The following DPF1 variants were observed in gnomAD, a reference collection of about 807,000 sequenced individuals.
DPF1 encodes the protein zinc finger protein neuro-d4.
In DPF1, 14 loss-of-function variants were observed where a neutral mutation model predicts 58.7. The ratio of observed to expected loss-of-function variants is 0.24; its 90% CI spans 0.16 to 0.37. The LOEUF (loss-of-function observed/expected upper bound fraction) is 0.37, where lower values mean the gene tolerates loss of function less well. Among genes scored for constraint, DPF1 ranks in the 10% least tolerant of loss-of-function variants. DPF1 has a pLI of 1.00. For missense variants in DPF1, 345 were observed against 529.9 expected, an observed-to-expected ratio of 0.65 and a Z score of 3.43; for synonymous variants, 216 against 216.0, an observed-to-expected ratio of 1.00 and a Z score of 0.00.
upstream of DPF1, among the ~76,000 whole-genome samples, chr19:38,227,007 TTC>T (rs556979655): frequency 0.53 from 70,712 of 133,000 alleles, 19,344 homozygotes; most frequent in African/African-American, 0.64. Context: ...CCTTCCTTCC[TTC>T]CTTCCTTCCT....
At chr19:38,225,559 ACT>A (rs1967780938), upstream of DPF1, among the ~76,000 whole-genome samples, 1 of 150,322 alleles carries the variant, frequency 6.7e-6, no homozygotes. Flanking sequence ...GCAGAGCGAG[ACT>A]CTGTCTCTAA....
intron 11 of DPF1, 42 bp downstream of exon 11, chr19:38,212,238 T>TGGGGGGGGGGCC: frequency 6.8e-6 from 4 of 585,172 alleles, no homozygotes; most frequent in Non-Finnish European, 1.2e-5. Flanking sequence ...GAGATGGCGT[T>TGGGGGGGGGGCC]CCCACCCACC....
chr19:38,211,988 G>A lies in DPF1; in HGVS notation c.*75C>T, dbSNP rs779183488. 1.1e-4 allele frequency: 166 copies of A among 1,524,620 alleles called. No homozygotes were observed. The highest frequency in any genetic ancestry group is 1.4e-4 in the Non-Finnish European group (152 of 1,116,558). 94.4% of individuals were successfully genotyped at this position (1,524,620 alleles called of 1,614,324 possible). On this transcript the variant is annotated 3_prime_UTR_variant, in exon 12 of 12. Transcript: ENST00000355526. The surrounding 1 kb of genome is among the most constrained non-coding windows in gnomAD (Gnocchi z 4.0). ...CCCCCTCCCCCTGCGGGATGTTCAG[G>A]GTGGGGGAGAATTGAGGAGCTCGGA...
Position 38,215,207 on chromosome 19 carries a change from G to A in DPF1, c.898+933C>T, listed in dbSNP as rs181479001. 4.6e-3 allele frequency among the ~76,000 whole-genome samples: 698 copies of A among 151,588 alleles called. 2 individuals carry two copies. Among genetic ancestry groups the A allele is most frequent in the Non-Finnish European group, 8.4e-3 (573 of 67,904 alleles). On this transcript the variant is annotated intron_variant, in intron 9 of 11. Coordinates refer to ENST00000355526, the MANE Select transcript of DPF1 (RefSeq NM_001135155.3). Reference sequence around the variant, plus strand: ...AGTCAAAAACTCCCAGATTCAAGGGGCTGGGTGCTGCGGTGGCTCACGCCT... The same window carrying A: ...AGTCAAAAACTCCCAGATTCAAGGGACTGGGTGCTGCGGTGGCTCACGCCT...
chr19:38,223,037 CAAAG>C (rs1967624172), intron 1 of DPF1: 2 of 334,158 alleles, frequency 6.0e-6, no homozygotes, highest in Non-Finnish European at 1.1e-5. Flanking sequence ...GATTCACACA[CAAAG>C]AGAGACAAAT....
At chr19:38,223,901 G>GC (rs1364315973) in intron 1 of DPF1, 16 of 497,278 alleles carry the variant, frequency 3.2e-5, no homozygotes, top group Non-Finnish European at 4.4e-5. Flanking sequence ...GAATCTGGAG[G>GC]CCCCCCACGC....
chr19:38,229,116 G>A (rs1163088777), upstream of DPF1, among the ~76,000 whole-genome samples: 1 of 152,026 alleles, frequency 6.6e-6, no homozygotes, highest in African/African-American at 2.4e-5. The surrounding 1 kb of genome is among the most constrained non-coding windows in gnomAD (Gnocchi z 5.3). Context: ...GAGAAAGAAG[G>A]GGAAAGAGAG....
Position 38,222,908 on chromosome 19 carries a change from C to G in DPF1, c.30-200G>C. 3 of 621,694 alleles carry G rather than the reference C, an allele frequency of 4.8e-6. No homozygotes were observed. In the South Asian group the frequency reaches 7.1e-5, roughly 15 times the overall value. 38.5% of individuals were successfully genotyped at this position (621,694 alleles called of 1,614,324 possible). A position where few individuals can be genotyped will look rare whatever the true frequency, so the allele number is the denominator to read the frequency against. ...GCCCAGGGGCCCCCAAACTGGGACT[C>G]AAACAGGCCCCCAGCTCATGAGTAG... On this transcript the variant is annotated intron_variant, in intron 1 of 11. Transcript: ENST00000355526. This position sits in a 1 kb window ranked among gnomAD's most constrained non-coding sequence, Gnocchi z 4.9.
chr19:38,217,397 A>ACG, intron 7 of DPF1, 63 bp downstream of exon 7: 1 of 319,664 alleles, frequency 3.1e-6, no homozygotes, highest in Non-Finnish European at 4.1e-6. Context: ...CCCCACCCCC[A>ACG]GCTGGGCTCC....
intron 9 of DPF1, 103 bp downstream of exon 9, chr19:38,216,037 C>A (rs2278430): frequency 6.7e-7 from 1 of 1,492,566 alleles, no homozygotes; most frequent in Non-Finnish European, 8.9e-7. Flanking sequence ...CTACATGCTC[C>A]GGGTCCCCTC....
At chr19:38,224,367 G>T (rs1462086091), upstream of DPF1, 1 of 1,111,334 alleles carries the variant, frequency 9.0e-7, no homozygotes, top group Non-Finnish European at 1.1e-6. This position sits in a 1 kb window ranked among gnomAD's most constrained non-coding sequence, Gnocchi z 4.5. Context: ...CGGAGGAGGG[G>T]CCCGGGGCAC....
intron 1 of DPF1, chr19:38,223,058 A>G (rs1967627127): frequency 3.5e-6 from 1 of 285,944 alleles, no homozygotes; most frequent in Middle Eastern, 9.8e-4. Flanking sequence ...AAATCCCAAT[A>G]CTCACAAAGG....
Position 38,222,943 on chromosome 19 carries a change from A to G in DPF1, c.30-235T>C, listed in dbSNP as rs917168697. 7.6e-6 allele frequency: 4 copies of G among 524,746 alleles called. No individual in the cohort carries two copies. The highest frequency in any genetic ancestry group is 6.1e-5 in the African/African-American group (3 of 49,182). 32.5% of individuals were successfully genotyped at this position (524,746 alleles called of 1,614,324 possible). A position where few individuals can be genotyped will look rare whatever the true frequency, so the allele number is the denominator to read the frequency against. On this transcript the variant is annotated intron_variant, in intron 1 of 11. Transcript: ENST00000355526. The surrounding 1 kb of genome is among the most constrained non-coding windows in gnomAD (Gnocchi z 4.9). ...CCCAGCTCATGAGTAGAAACACGAT[A>G]CAGAAACAAACAAAAACACACCGGG...
rs766524486 is a variant in DPF1 at position 38,218,919 on chromosome 19, A to C, written c.426+12T>G. On this transcript the variant is annotated intron_variant, in intron 4 of 11. Transcript: ENST00000355526. ...AAGCCATGCAGCGGGGGTCCCCCAG[A>C]GGTGGGCCCACCTGACAGTCCATAA... The C allele has an allele frequency of 1.2e-6, 2 of 1,613,824 alleles. No individual in the cohort carries two copies. Among genetic ancestry groups the C allele is most frequent in the South Asian group, 2.2e-5 (2 of 91,054 alleles).
Position 38,219,076 on chromosome 19 carries a change from G to T in DPF1, c.299-18C>A, listed in dbSNP as rs777023745. The T allele has an allele frequency of 1.2e-6, 2 of 1,613,014 alleles. No individual in the cohort carries two copies. The highest frequency in any genetic ancestry group is 2.2e-5 in the East Asian group (1 of 44,884). ...TTCACAGTCTGGGGACAGGGCCATG[G>T]GGGGGTCAGATGGGGAAGTTGACCC... On this transcript the variant is annotated intron_variant, in intron 3 of 11. Coordinates refer to ENST00000355526, the MANE Select transcript of DPF1 (RefSeq NM_001135155.3).
chr19:38,222,527 C>T lies in DPF1; in HGVS notation c.190+21G>A, dbSNP rs1326698674. 1.2e-6 allele frequency: 2 copies of T among 1,606,034 alleles called. No homozygotes were observed. The highest frequency in any genetic ancestry group is 1.3e-5 in the African/African-American group (1 of 74,086). On this transcript the variant is annotated intron_variant, in intron 2 of 11. Transcript: ENST00000355526. The surrounding 1 kb of genome is among the most constrained non-coding windows in gnomAD (Gnocchi z 4.9). ...GGCGGCCTGGCCCCGCCCCGCCCTG[C>T]GCCAGCCCTCCCGGCGGTACCCGGC...
At chr19:38,227,719 T>G (rs1479506408), upstream of DPF1, among the ~76,000 whole-genome samples, 1 of 152,212 alleles carries the variant, frequency 6.6e-6, no homozygotes, top group Non-Finnish European at 1.5e-5. Flanking sequence ...GAAGCCCCCA[T>G]ACACAGATGG....
chr19:38,224,041 C>T lies in DPF1; in HGVS notation c.29+73G>A. On this transcript the variant is annotated intron_variant, in intron 1 of 11. Coordinates refer to ENST00000355526, the MANE Select transcript of DPF1 (RefSeq NM_001135155.3). This position sits in a 1 kb window ranked among gnomAD's most constrained non-coding sequence, Gnocchi z 4.5. ...CCAGACACCCCTTCGGCCCCACCCCCGGTCGCCACACACACACAGGCCCGC... is the reference window on the plus strand; with the variant it reads ...CCAGACACCCCTTCGGCCCCACCCCTGGTCGCCACACACACACAGGCCCGC... The T allele has an allele frequency of 7.0e-7, 1 of 1,435,966 alleles. No individual in the cohort carries two copies. Among genetic ancestry groups the T allele is most frequent in the Non-Finnish European group, 9.1e-7 (1 of 1,101,694 alleles). 89.0% of individuals were successfully genotyped at this position (1,435,966 alleles called of 1,614,324 possible). A position where few individuals can be genotyped will look rare whatever the true frequency, so the allele number is the denominator to read the frequency against.
At chr19:38,215,636 GT>G (rs1339880378) in intron 9 of DPF1, among the ~76,000 whole-genome samples, 1 of 152,158 alleles carries the variant, frequency 6.6e-6, no homozygotes, top group Admixed American at 6.5e-5. Context: ...ATCTCACTAT[GT>G]TGCCCAGGCT....
Sources: allele counts gnomAD v4.1 joint callset (sites outside exome capture counted in the v4.1 genomes callset), GRCh38; gene constraint gnomAD v4.1.1; non-coding constraint Gnocchi (gnomAD v3.1); transcripts MANE v1.5; gene names NCBI Gene and HGNC (gene_info 2026-07-23, HGNC 2026-07-21).